GSDMC: variants seen among roughly 807,000 people sequenced by gnomAD.
The protein encoded by GSDMC is gasdermin-C.
In GSDMC, 59 loss-of-function variants were observed where a neutral mutation model predicts 58.0. The ratio of observed to expected loss-of-function variants is 1.02; its 90% CI spans 0.82 to 1.26. The LOEUF (loss-of-function observed/expected upper bound fraction) is 1.26, where lower values mean the gene tolerates loss of function less well. Ranked by LOEUF, GSDMC falls within the 50% of genes most tolerant of loss-of-function variation. The pLI, the probability that GSDMC is intolerant of heterozygous loss-of-function variation, is 0.00. For missense variants in GSDMC, 659 were observed against 598.5 expected (o/e 1.10, Z -1.06); for synonymous variants, 241 against 220.2 (o/e 1.09, Z -0.83).
At chr8:129,727,374 T>G in the GSDMC span, among the ~76,000 whole-genome samples, 1 of 152,120 alleles carries the variant, frequency 6.6e-6, no homozygotes, top group Non-Finnish European at 1.5e-5. Flanking sequence ...TCCACCAGAA[T>G]TGTGAAGGAC....
chr8:129,766,671 G>C (rs1363814880), intron 3 of GSDMC, among the ~76,000 whole-genome samples: 1 of 152,070 alleles, frequency 6.6e-6, no homozygotes, highest in African/African-American at 2.4e-5. Flanking sequence ...AAAACACCAA[G>C]CTCGGTGTTT....
rs187688929 is a variant in GSDMC, at chr8:129,781,507, G to A, written c.-4-3916C>T. On this transcript the variant is annotated intron_variant, in intron 1 of 13. Transcript: ENST00000276708. The stretch of plus-strand genomic sequence containing the variant: ...CGCCTGTAATCCCAGCATTTTTGGA[G>A]GCCGAGACGGGCAGATCACGAGGTC... Among the ~76,000 whole-genome samples, 9 of 152,218 alleles carry A rather than the reference G, an allele frequency of 5.9e-5. No individual in the cohort carries two copies. The East Asian group carries it at 1.7e-3, about 29-fold the overall frequency.
At chr8:129,750,733 T>C (rs1266610576) in intron 10 of GSDMC, among the ~76,000 whole-genome samples, 163 bp from the exon 11 acceptor site, 1 of 152,174 alleles carries the variant, frequency 6.6e-6, no homozygotes, top group East Asian at 1.9e-4. Flanking sequence ...GCTTTGTGGA[T>C]AGAGCTGGCA....
chr8:129,776,664 G>C (rs144897310), intron 2 of GSDMC, among the ~76,000 whole-genome samples: 301 of 152,312 alleles, frequency 2.0e-3, no homozygotes, highest in African/African-American at 7.1e-3. Context: ...GGGATGTGGA[G>C]CCAGACAGAC....
chr8:129,761,117 G>C (rs76355568), intron 5 of GSDMC, among the ~76,000 whole-genome samples: 1,610 of 152,302 alleles, frequency 0.011, 16 homozygotes, highest in Non-Finnish European at 0.015. Context: ...CTGACTACTA[G>C]CGGGGAGAGT....
chr8:129,709,109 G>A, the GSDMC span, among the ~76,000 whole-genome samples: 1 of 151,724 alleles, frequency 6.6e-6, no homozygotes, highest in South Asian at 2.1e-4. Context: ...GTCCAAGAAA[G>A]TCCTGAACAA....
chr8:129,705,470 A>G, the GSDMC span: 65,151 of 152,642 alleles, frequency 0.43, 18,731 homozygotes, highest in African/African-American at 0.79. Context: ...TTGACTCACA[A>G]TTCAGCATGG....
chr8:129,752,694 G>C lies in GSDMC; in HGVS notation c.844+4C>G, dbSNP rs1385770781. ...AGTAAAAATAAAGTGAGCAATCACAGTACCTGGTTTTAACTTCATATCATT... is the reference window on the plus strand; with the variant it reads ...AGTAAAAATAAAGTGAGCAATCACACTACCTGGTTTTAACTTCATATCATT... On this transcript the variant is annotated splice_donor_region_variant and intron_variant, in intron 7 of 13. Coordinates refer to ENST00000276708, the MANE Select transcript of GSDMC (RefSeq NM_031415.3). 3 of 1,614,024 alleles carry C rather than the reference G, an allele frequency of 1.9e-6. No individual in the cohort carries two copies. In the African/African-American group the frequency reaches 4.0e-5, roughly 22 times the overall value.
At chr8:129,729,192 C>G in the GSDMC span, 1 of 659,466 alleles carries the variant, frequency 1.5e-6, no homozygotes, top group Non-Finnish European at 2.9e-6. Context: ...CAGCAATAAG[C>G]TGCATTTAAA....
At chr8:129,732,827 C>G in the GSDMC span, among the ~76,000 whole-genome samples, 1 of 152,168 alleles carries the variant, frequency 6.6e-6, no homozygotes, top group Non-Finnish European at 1.5e-5. Context: ...GGGTGCAGCC[C>G]ACAGAGGGCA....
chr8:129,750,591 C>T lies in GSDMC; in HGVS notation c.944-21G>A, dbSNP rs16904150. 74,539 of 1,610,004 alleles carry T rather than the reference C, an allele frequency of 0.046. 1,979 individuals are homozygous for T. The highest frequency in any genetic ancestry group is 0.068 in the East Asian group (3,051 of 44,862). ...GAAATCTGCTCTCAGGCATCAACGCCGACCAGAAAGTGGGGACAAGTCTTT... is the reference window on the plus strand; with the variant it reads ...GAAATCTGCTCTCAGGCATCAACGCTGACCAGAAAGTGGGGACAAGTCTTT... On this transcript the variant is annotated intron_variant, in intron 10 of 13. Transcript: ENST00000276708.
chr8:129,768,416 T>G (rs907242442), intron 3 of GSDMC, among the ~76,000 whole-genome samples: 8 of 151,922 alleles, frequency 5.3e-5, no homozygotes, highest in Non-Finnish European at 1.0e-4. Flanking sequence ...ATAAACAAAC[T>G]GACAAAGAAT....
chr8:129,737,461 G>GA, the GSDMC span, among the ~76,000 whole-genome samples: 1 of 152,186 alleles, frequency 6.6e-6, no homozygotes, highest in Admixed American at 6.5e-5. Flanking sequence ...CAATGGAACA[G>GA]AAAAGAGCCC....
the GSDMC span, among the ~76,000 whole-genome samples, chr8:129,720,054 C>T: frequency 5.3e-5 from 8 of 152,042 alleles, no homozygotes; most frequent in South Asian, 2.1e-4. Flanking sequence ...ATGAACAATT[C>T]GAAACAATAT....
chr8:129,751,605 TC>T (rs1554630888), intron 9 of GSDMC, 37 bp from the exon 10 acceptor site: 1 of 1,603,500 alleles, frequency 6.2e-7, no homozygotes, highest in South Asian at 1.1e-5. Context: ...CACTTCCTCA[TC>T]CCCCCAAATT....
At chr8:129,771,760 T>C (rs2034057332) in intron 3 of GSDMC, among the ~76,000 whole-genome samples, 1 of 151,690 alleles carries the variant, frequency 6.6e-6, no homozygotes, top group Non-Finnish European at 1.5e-5. Context: ...TTCACAAATA[T>C]GTGGAAACTA....
At chr8:129,746,766 G>C (rs539360319), downstream of GSDMC, among the ~76,000 whole-genome samples, 1 of 152,286 alleles carries the variant, frequency 6.6e-6, no homozygotes, top group South Asian at 2.1e-4. Context: ...GGCTACAAAA[G>C]ACTGAGGGCA....
At chr8:129,760,866 C>A (rs2033633429) in intron 5 of GSDMC, among the ~76,000 whole-genome samples, 1 of 152,192 alleles carries the variant, frequency 6.6e-6, no homozygotes, top group East Asian at 1.9e-4. Context: ...TTGCCTCTTG[C>A]TGCCCTTTTC....
chr8:129,773,213 A>T (rs2034116104), intron 3 of GSDMC, among the ~76,000 whole-genome samples: 1 of 152,242 alleles, frequency 6.6e-6, no homozygotes, highest in Non-Finnish European at 1.5e-5. Context: ...AATAAGGAAC[A>T]AAACAAGAAT....
Sources: gnomAD v4.1 joint callset for allele counts (sites outside exome capture counted in the v4.1 genomes callset) on GRCh38, gnomAD v4.1.1 for gene constraint, MANE v1.5 for transcripts, NCBI Gene and HGNC (gene_info 2026-07-23, HGNC 2026-07-21) for gene names.